PRKAR1B: variants seen among roughly 807,000 people sequenced by gnomAD.
PRKAR1B encodes protein kinase cAMP-dependent type I regulatory subunit beta.
Under a neutral mutation model 46.5 loss-of-function variants are expected in PRKAR1B, and 22 were observed. The ratio of observed to expected loss-of-function variants is 0.47; its 90% CI spans 0.34 to 0.68. The LOEUF is 0.68. Among genes scored for constraint, PRKAR1B ranks in the 30% least tolerant of loss-of-function variants. The pLI is 0.01. For synonymous variants in PRKAR1B, 259 were observed against 217.7 expected (o/e 1.19, Z -1.67); for missense variants, 445 against 535.6 (o/e 0.83, Z 1.67).
chr7:569,822 A>C (rs1476833586), intron 9 of PRKAR1B, among the ~76,000 whole-genome samples: 2 of 152,152 alleles, frequency 1.3e-5, no homozygotes, highest in Non-Finnish European at 2.9e-5. Context: ...GACCCTGGCC[A>C]GTGAGCCCGC....
At chr7:725,986 C>T (rs1781251700) in intron 1 of PRKAR1B, among the ~76,000 whole-genome samples, 1 of 152,108 alleles carries the variant, frequency 6.6e-6, no homozygotes, top group Non-Finnish European at 1.5e-5. Context: ...GGCCCCCTAC[C>T]TGCCTAATTA....
chr7:634,949 C>T (rs537826240), intron 4 of PRKAR1B, among the ~76,000 whole-genome samples: 1 of 152,232 alleles, frequency 6.6e-6, no homozygotes, highest in Admixed American at 6.5e-5. Flanking sequence ...CTGCAACTTA[C>T]TCTCAAATGA....
intron 2 of PRKAR1B, among the ~76,000 whole-genome samples, chr7:699,308 T>C (rs1177116755): frequency 1.3e-5 from 2 of 152,050 alleles, no homozygotes; most frequent in Non-Finnish European, 2.9e-5. Flanking sequence ...TTCGATGAGA[T>C]AAAGTATGCA....
rs118011332 is a variant in PRKAR1B, at chr7:665,533, C to A, written c.440+11696G>T. On this transcript the variant is annotated intron_variant, in intron 4 of 10. Transcript: ENST00000537384. ...CAGCTTCTAAAGCCTCCCGGGCTCA[C>A]GTGGCCCCTGATTTGCTAACCTCAA... Among the ~76,000 whole-genome samples, 1,278 of 152,326 alleles carry A rather than the reference C, an allele frequency of 8.4e-3. 14 individuals carry two copies. Among genetic ancestry groups the A allele is most frequent in the Middle Eastern group, 0.024 (7 of 294 alleles).
At chr7:699,867 T>C (rs1464492300) in intron 2 of PRKAR1B, among the ~76,000 whole-genome samples, 1 of 152,064 alleles carries the variant, frequency 6.6e-6, no homozygotes, top group African/African-American at 2.4e-5. Context: ...GCAGTTCAAT[T>C]TGTGTTTCTG....
At chr7:620,840 C>G (rs562216349) in intron 4 of PRKAR1B, among the ~76,000 whole-genome samples, 5 of 152,328 alleles carry the variant, frequency 3.3e-5, no homozygotes, top group Middle Eastern at 6.8e-3. Context: ...TGAAAGCCAT[C>G]AGAGCCTCAT....
At chr7:673,063 A>AAAC (rs1411703091) in intron 4 of PRKAR1B, among the ~76,000 whole-genome samples, 383 of 138,504 alleles carry the variant, frequency 2.8e-3, no homozygotes, top group South Asian at 0.011. Flanking sequence ...AAAAAAAAAA[A>AAAC]AAAAAAAAAA....
In PRKAR1B at chr7:714,822, GGA is replaced by G. The variant is rs1466042336; in HGVS notation, c.-22-3297_-22-3296del. The stretch of plus-strand genomic sequence containing the variant: ...GGAAGAAACAGGATCCTAGAGAAAT[GGA>G]GCCACGGCCGTCCTCAAACCAAACC... On this transcript the variant is annotated intron_variant, in intron 1 of 10. Coordinates refer to ENST00000537384, the MANE Select transcript of PRKAR1B (RefSeq NM_001164760.2). This position sits in a 1 kb window ranked among gnomAD's most constrained non-coding sequence, Gnocchi z 4.3. 1.3e-5 allele frequency among the ~76,000 whole-genome samples: 2 copies of G among 152,238 alleles called. No individual in the cohort carries two copies. The highest frequency in any genetic ancestry group is 4.8e-5 in the African/African-American group (2 of 41,464).
intron 2 of PRKAR1B, among the ~76,000 whole-genome samples, chr7:704,009 T>C (rs1780189849): frequency 6.6e-6 from 1 of 152,174 alleles, no homozygotes; most frequent in South Asian, 2.1e-4. Context: ...GAAAATATTT[T>C]GAGCTAAATA....
At chr7:596,647 G>A (rs1040183306) in intron 6 of PRKAR1B, among the ~76,000 whole-genome samples, 4 of 152,218 alleles carry the variant, frequency 2.6e-5, no homozygotes, top group African/African-American at 9.6e-5. Flanking sequence ...CCCAGGCAGT[G>A]TCTGATTCAA....
intron 4 of PRKAR1B, among the ~76,000 whole-genome samples, chr7:627,338 C>A (rs1320602136): frequency 6.6e-6 from 1 of 152,012 alleles, no homozygotes; most frequent in Non-Finnish European, 1.5e-5. Context: ...GCGGTGGGGG[C>A]CGAGGGATCC....
intron 3 of PRKAR1B, among the ~76,000 whole-genome samples, chr7:679,364 C>T (rs1439081351): frequency 2.0e-5 from 3 of 152,216 alleles, no homozygotes; most frequent in Admixed American, 2.0e-4. Context: ...TTCACACTCT[C>T]CTCGTGTGCC....
intron 2 of PRKAR1B, among the ~76,000 whole-genome samples, chr7:691,347 C>G (rs1458242855): frequency 6.6e-6 from 1 of 152,242 alleles, no homozygotes; most frequent in African/African-American, 2.4e-5. Flanking sequence ...AGATCAGGAC[C>G]TCTCTGCCAA....
chr7:562,961 T>C (rs1338883233), intron 9 of PRKAR1B, among the ~76,000 whole-genome samples: 2 of 152,212 alleles, frequency 1.3e-5, no homozygotes, highest in Admixed American at 6.5e-5. Flanking sequence ...GAACAGACAT[T>C]GAGTCCTTCC....
chr7:680,423 G>T, intron 3 of PRKAR1B, 133 bp downstream of exon 3: 1 of 931,592 alleles, frequency 1.1e-6, no homozygotes, highest in Non-Finnish European at 1.5e-6. Context: ...CACCCACATA[G>T]TCCTCCCTCC....
chr7:671,137 C>T (rs1786231284), intron 4 of PRKAR1B, among the ~76,000 whole-genome samples: 1 of 152,202 alleles, frequency 6.6e-6, no homozygotes, highest in Non-Finnish European at 1.5e-5. Flanking sequence ...TTCTAAAGGG[C>T]CCTGAACACC....
At chr7:623,487 A>G (rs1158119387) in intron 4 of PRKAR1B, among the ~76,000 whole-genome samples, 1 of 152,216 alleles carries the variant, frequency 6.6e-6, no homozygotes, top group African/African-American at 2.4e-5. Flanking sequence ...ATCATCTTTG[A>G]TATCTGATCA....
intron 7 of PRKAR1B, among the ~76,000 whole-genome samples, chr7:588,612 GTGGTGA>G (rs1693115650): frequency 7.5e-6 from 1 of 133,996 alleles, no homozygotes; most frequent in African/African-American, 2.7e-5. Flanking sequence ...GATGGTGATG[GTGGTGA>G]TGGTGATGGT....
intron 1 of PRKAR1B, among the ~76,000 whole-genome samples, chr7:715,924 C>T (rs1344998444): frequency 2.0e-5 from 3 of 152,096 alleles, no homozygotes; most frequent in African/African-American, 7.2e-5. Flanking sequence ...ACCGTGTTAG[C>T]CAGGATGGTC....
Sources: allele counts gnomAD v4.1 joint callset (sites outside exome capture counted in the v4.1 genomes callset), GRCh38; gene constraint gnomAD v4.1.1; non-coding constraint Gnocchi (gnomAD v3.1); transcripts MANE v1.5; gene names NCBI Gene and HGNC (gene_info 2026-07-23, HGNC 2026-07-21).